The following IGF2BP2 variants were observed in gnomAD, a reference collection of about 807,000 sequenced individuals.
IGF2BP2 encodes the protein insulin-like growth factor 2 mRNA-binding protein 2.
In IGF2BP2, 17 loss-of-function variants were observed where a neutral mutation model predicts 75.8. The ratio of observed to expected loss-of-function variants is 0.22; its 90% confidence interval spans 0.15 to 0.34. The LOEUF (loss-of-function observed/expected upper bound fraction) is 0.34. IGF2BP2 is among the 10% of genes least tolerant of loss of function. IGF2BP2 has a pLI of 1.00. For synonymous variants in IGF2BP2, 288 were observed against 295.6 expected (o/e 0.97, Z 0.26); for missense variants, 516 against 772.4 (o/e 0.67, Z 3.93).
At chr3:185,716,967 C>T (rs1347352207) in intron 2 of IGF2BP2, 1 of 386,120 alleles carries the variant, frequency 2.6e-6, no homozygotes, top group African/African-American at 2.1e-5. Flanking sequence ...ATCCCACCAC[C>T]CAGTACTGTA....
At chr3:185,746,671 G>C (rs1005897466) in intron 2 of IGF2BP2, among the ~76,000 whole-genome samples, 1 of 152,136 alleles carries the variant, frequency 6.6e-6, no homozygotes, top group Non-Finnish European at 1.5e-5. Context: ...GCAAAAGTGG[G>C]GACAAAGCCA....
intron 2 of IGF2BP2, among the ~76,000 whole-genome samples, chr3:185,709,619 AG>A (rs1266166053): frequency 1.3e-5 from 2 of 152,268 alleles, no homozygotes; most frequent in Non-Finnish European, 2.9e-5. Context: ...CAGTTATAAC[AG>A]ATGTTGATCT....
intron 2 of IGF2BP2, among the ~76,000 whole-genome samples, chr3:185,701,760 GA>G (rs1285289238): frequency 1.3e-5 from 2 of 152,180 alleles, no homozygotes; most frequent in Non-Finnish European, 2.9e-5. Context: ...GGATGGAAAG[GA>G]AGGAACTGAG....
intron 2 of IGF2BP2, among the ~76,000 whole-genome samples, chr3:185,700,773 A>T (rs1456234890): frequency 6.6e-6 from 1 of 152,228 alleles, no homozygotes; most frequent in Non-Finnish European, 1.5e-5. Context: ...CAACTGTAAC[A>T]TTATTTGTAA....
At chr3:185,732,885 T>C (rs1728376317) in intron 2 of IGF2BP2, among the ~76,000 whole-genome samples, 1 of 152,232 alleles carries the variant, frequency 6.6e-6, no homozygotes, top group South Asian at 2.1e-4. Flanking sequence ...TGTATACGTT[T>C]TGAAAAATGT....
chr3:185,655,711 T>TC (rs1265588612), intron 12 of IGF2BP2, among the ~76,000 whole-genome samples: 1 of 152,184 alleles, frequency 6.6e-6, no homozygotes. Context: ...ATGCGACTGA[T>TC]CTCTTCTTTT....
At position 185,723,965 on chromosome 3, in the gene IGF2BP2, T is replaced by C. The variant is rs528313279; in HGVS notation, c.240-25618A>G. The stretch of plus-strand genomic sequence containing the variant: ...GGGTAAGCAGGTTCGGTCTGGGCAA[T>C]CCCAGGGAAGCCGAAGGAGACAAAT... On this transcript the variant is annotated intron_variant, in intron 2 of 15. Transcript: ENST00000382199. Among the ~76,000 whole-genome samples the C allele has an allele frequency of 5.9e-5, 9 of 152,202 alleles. No individual in the cohort carries two copies. The South Asian group carries it at 1.9e-3, about 32-fold the overall frequency.
At chr3:185,656,563 AAC>A (rs2149090335) in intron 12 of IGF2BP2, among the ~76,000 whole-genome samples, 1 of 152,368 alleles carries the variant, frequency 6.6e-6, no homozygotes, top group South Asian at 2.1e-4. Flanking sequence ...TTTGCGTAAC[AAC>A]AAAAACTCTG....
At chr3:185,667,837 T>G (rs956850019) in intron 10 of IGF2BP2, among the ~76,000 whole-genome samples, 1 of 152,224 alleles carries the variant, frequency 6.6e-6, no homozygotes, top group Non-Finnish European at 1.5e-5. Context: ...GGCAACCCTA[T>G]GTCACACAAG....
intron 7 of IGF2BP2, among the ~76,000 whole-genome samples, chr3:185,679,056 C>T (rs1287872335): frequency 6.6e-6 from 1 of 152,098 alleles, no homozygotes; most frequent in Non-Finnish European, 1.5e-5. Flanking sequence ...ACAGTTAGAT[C>T]CTGTTTTTAA....
intron 2 of IGF2BP2, among the ~76,000 whole-genome samples, chr3:185,723,325 G>A (rs570663333): frequency 6.6e-6 from 1 of 152,196 alleles, no homozygotes; most frequent in South Asian, 2.1e-4. Flanking sequence ...GTCCACAGCA[G>A]CCTACAGTCA....
chr3:185,768,150 G>C (rs1733347442), intron 2 of IGF2BP2, among the ~76,000 whole-genome samples: 1 of 152,090 alleles, frequency 6.6e-6, no homozygotes, highest in South Asian at 2.1e-4. Context: ...AGAGACAAAG[G>C]GGCTGTTATT....
chr3:185,677,323 A>G (rs1433067343), intron 7 of IGF2BP2, among the ~76,000 whole-genome samples: 1 of 151,926 alleles, frequency 6.6e-6, no homozygotes, highest in African/African-American at 2.4e-5. Context: ...GCACTGAAGG[A>G]TCAGCATTAG....
intron 2 of IGF2BP2, chr3:185,713,287 C>T (rs1432070417): frequency 7.7e-6 from 3 of 390,798 alleles, no homozygotes; most frequent in Non-Finnish European, 1.5e-5. Flanking sequence ...AGGGATACTC[C>T]ACTTGTTATT....
chr3:185,817,516 C>T (rs1227746466), intron 2 of IGF2BP2, among the ~76,000 whole-genome samples: 2 of 152,158 alleles, frequency 1.3e-5, no homozygotes, highest in African/African-American at 2.4e-5. Context: ...AGAGACCAGA[C>T]TAAAGTCCAT....
chr3:185,778,036 A>C (rs1042972865), intron 2 of IGF2BP2, among the ~76,000 whole-genome samples: 2 of 152,070 alleles, frequency 1.3e-5, no homozygotes, highest in Admixed American at 1.3e-4. Context: ...AAAAATCACA[A>C]ATGTGGAGGC....
intron 7 of IGF2BP2, among the ~76,000 whole-genome samples, chr3:185,680,836 G>A (rs955668740): frequency 1.3e-5 from 2 of 151,044 alleles, no homozygotes; most frequent in African/African-American, 2.4e-5. Flanking sequence ...GAAAGAAGGG[G>A]GGGGAACTAC....
At chr3:185,765,574 C>A (rs1295087143) in intron 2 of IGF2BP2, among the ~76,000 whole-genome samples, 1 of 152,212 alleles carries the variant, frequency 6.6e-6, no homozygotes. Flanking sequence ...CTACACTCCA[C>A]CTGCACCTAG....
At chr3:185,821,705 T>C (rs772859129) in intron 2 of IGF2BP2, among the ~76,000 whole-genome samples, 3 of 152,098 alleles carry the variant, frequency 2.0e-5, no homozygotes, top group Non-Finnish European at 4.4e-5. Flanking sequence ...GAATTAGACA[T>C]TTATAGAAAC....
Sources: allele counts gnomAD v4.1 joint callset (sites outside exome capture counted in the v4.1 genomes callset), GRCh38; gene constraint gnomAD v4.1.1; transcripts MANE v1.5; gene names NCBI Gene and HGNC (gene_info 2026-07-23, HGNC 2026-07-21).